Variants in PCDH9 observed in about 807,000 individuals in gnomAD.
The protein encoded by PCDH9 is protocadherin 9.
Under a neutral mutation model 70.6 loss-of-function variants are expected in PCDH9, and 24 were observed. The ratio of observed to expected loss-of-function variants is 0.34; its 90% CI spans 0.25 to 0.48. PCDH9 has a LOEUF of 0.48. PCDH9 is among the 20% of genes least tolerant of loss of function. The pLI, the probability that PCDH9 is intolerant of heterozygous loss-of-function variation, is 0.99. For missense variants in PCDH9, 1,281 were observed against 1,503.6 expected (o/e 0.85, Z 2.45); for synonymous variants, 562 against 558.5 (o/e 1.01, Z -0.09).
At chr13:66,664,234 A>G (rs1055473482) in intron 3 of PCDH9, among the ~76,000 whole-genome samples, 2 of 152,232 alleles carry the variant, frequency 1.3e-5, no homozygotes, top group Non-Finnish European at 2.9e-5. Context: ...TATGCTATTT[A>G]CAGTCTAAAT....
chr13:66,382,951 T>C (rs1019770006), intron 4 of PCDH9, among the ~76,000 whole-genome samples: 2 of 151,948 alleles, frequency 1.3e-5, no homozygotes, highest in African/African-American at 4.8e-5. Context: ...TCCCTTAAAC[T>C]TGGGAGGTGG....
At chr13:66,964,539 C>A (rs964918901) in intron 2 of PCDH9, among the ~76,000 whole-genome samples, 6 of 151,866 alleles carry the variant, frequency 4.0e-5, no homozygotes, top group Non-Finnish European at 8.8e-5. Flanking sequence ...TACTGTGTGC[C>A]TTTTATGACT....
At chr13:66,839,158 GAT>G (rs754982693) in intron 3 of PCDH9, among the ~76,000 whole-genome samples, 44 of 150,958 alleles carry the variant, frequency 2.9e-4, no homozygotes, top group African/African-American at 1.5e-4. Flanking sequence ...AATATTCTGA[GAT>G]ATATATATAT....
At chr13:66,947,373 T>C (rs772326427) in intron 2 of PCDH9, among the ~76,000 whole-genome samples, 2 of 152,116 alleles carry the variant, frequency 1.3e-5, no homozygotes, top group Non-Finnish European at 2.9e-5. Context: ...AATTTTACTG[T>C]AAAAAATAAT....
At chr13:67,154,373 T>C in intron 2 of PCDH9, among the ~76,000 whole-genome samples, 1 of 151,940 alleles carries the variant, frequency 6.6e-6, no homozygotes, top group Non-Finnish European at 1.5e-5. Context: ...CACCTTAGGT[T>C]AGGTGGATCG....
At chr13:67,061,369 TTCTG>T (rs983021302) in intron 2 of PCDH9, among the ~76,000 whole-genome samples, 4 of 128,304 alleles carry the variant, frequency 3.1e-5, no homozygotes, top group Non-Finnish European at 3.5e-5. Flanking sequence ...AACCATATCT[TTCTG>T]TCTGTCTGTT....
At chr13:66,569,754 G>A (rs564357639) in intron 4 of PCDH9, among the ~76,000 whole-genome samples, 15 of 152,180 alleles carry the variant, frequency 9.9e-5, no homozygotes, top group African/African-American at 3.1e-4. Flanking sequence ...AGTATTAATT[G>A]AAGACAACAC....
At chr13:66,349,699 AG>A (rs1956264943) in intron 4 of PCDH9, among the ~76,000 whole-genome samples, 1 of 152,140 alleles carries the variant, frequency 6.6e-6, no homozygotes, top group Non-Finnish European at 1.5e-5. Context: ...TACCTGGCTT[AG>A]GGGGTAGTGA....
chr13:67,126,773 C>A (rs1216759364), intron 2 of PCDH9, among the ~76,000 whole-genome samples: 1 of 152,114 alleles, frequency 6.6e-6, no homozygotes, highest in Non-Finnish European at 1.5e-5. Context: ...TCACTTGGAC[C>A]AGTGACTCGG....
At chr13:67,004,181 T>C (rs956339638) in intron 2 of PCDH9, among the ~76,000 whole-genome samples, 2 of 152,250 alleles carry the variant, frequency 1.3e-5, no homozygotes, top group South Asian at 2.1e-4. Flanking sequence ...TGCAAACATA[T>C]GGTTAAAAGC....
At chr13:67,086,312 C>A (rs1402403984) in intron 2 of PCDH9, among the ~76,000 whole-genome samples, 4 of 152,162 alleles carry the variant, frequency 2.6e-5, no homozygotes, top group Non-Finnish European at 5.9e-5. Flanking sequence ...AGTTACCATA[C>A]TGTATTAACA....
chr13:66,304,829 G>T lies in PCDH9; in HGVS notation c.3540C>A (p.Thr1180=), dbSNP rs779074154. 3.1e-6 allele frequency: 5 copies of T among 1,613,480 alleles called. No homozygotes were observed. In the Admixed American group the frequency reaches 8.4e-5, roughly 27 times the overall value. The change falls in exon 5 of 5, where the codon ACC becomes ACA. Residue 1180 remains threonine (T), a synonymous_variant. Transcript: ENST00000377865. The part of the protein sequence containing the change: ...KDKLVNGHTL[T]RAWKEDSNRN... ...TGTTGCTGTCTTCTTTCCAGGCTCT[G>T]GTCAGGGTGTGCCCATTCACAAGCT...
intron 2 of PCDH9, chr13:67,207,774 T>TA (rs1484355806): frequency 1.3e-5 from 2 of 152,226 alleles, no homozygotes; most frequent in Non-Finnish European, 2.9e-5. Flanking sequence ...AAGCTATGAC[T>TA]AATCATGTCA....
At chr13:66,960,639 GC>G (rs1260582574) in intron 2 of PCDH9, among the ~76,000 whole-genome samples, 1 of 152,082 alleles carries the variant, frequency 6.6e-6, no homozygotes, top group Non-Finnish European at 1.5e-5. Context: ...AAATATTTTA[GC>G]CATTGATGTT....
chr13:66,924,289 A>G (rs2139648767), intron 2 of PCDH9, among the ~76,000 whole-genome samples: 1 of 151,990 alleles, frequency 6.6e-6, no homozygotes, highest in South Asian at 2.1e-4. Context: ...TTTTTAAAGC[A>G]TTAACCCTTT....
intron 3 of PCDH9, among the ~76,000 whole-genome samples, chr13:66,761,896 C>A (rs1017045836): frequency 2.0e-5 from 3 of 151,026 alleles, no homozygotes; most frequent in African/African-American, 7.4e-5. Flanking sequence ...GTTACTGATA[C>A]TTTATTTTGT....
chr13:66,592,416 T>C (rs1488676463), intron 4 of PCDH9, among the ~76,000 whole-genome samples: 1 of 151,700 alleles, frequency 6.6e-6, no homozygotes, highest in African/African-American at 2.4e-5. Context: ...GGTTCAGAAC[T>C]TTTCAGAGTG....
intron 2 of PCDH9, among the ~76,000 whole-genome samples, chr13:66,992,376 C>A (rs769707195): frequency 1.3e-5 from 2 of 152,100 alleles, no homozygotes; most frequent in Non-Finnish European, 2.9e-5. Context: ...CCCCCTCCAG[C>A]GGAATGATGC....
intron 2 of PCDH9, among the ~76,000 whole-genome samples, chr13:66,904,701 C>T (rs1226393753): frequency 2.6e-5 from 4 of 151,808 alleles, no homozygotes; most frequent in Non-Finnish European, 1.5e-5. Flanking sequence ...TACTGTTAGA[C>T]ATTTTTAAAA....
Sources: gnomAD v4.1 joint callset for allele counts (sites outside exome capture counted in the v4.1 genomes callset) on GRCh38, gnomAD v4.1.1 for gene constraint, MANE v1.5 for transcripts, NCBI Gene and HGNC (gene_info 2026-07-23, HGNC 2026-07-21) for gene names.